TOX2: variants seen among roughly 807,000 people sequenced by gnomAD.
TOX2 encodes TOX high mobility group box family member 2.
Under a neutral mutation model 47.4 loss-of-function variants are expected in TOX2, and 15 were observed. The ratio of observed to expected loss-of-function variants is 0.32; its 90% CI spans 0.21 to 0.49. The LOEUF is 0.49. Among genes scored for constraint, TOX2 ranks in the 20% least tolerant of loss-of-function variants. TOX2 has a pLI of 0.99. For missense variants in TOX2, 622 were observed against 673.1 expected, an observed-to-expected ratio of 0.92 and a Z score of 0.84; for synonymous variants, 290 against 296.6, an observed-to-expected ratio of 0.98 and a Z score of 0.23.
intron 2 of TOX2, among the ~76,000 whole-genome samples, chr20:43,986,197 C>A (rs2070260169): frequency 6.6e-6 from 1 of 152,046 alleles, no homozygotes; most frequent in Admixed American, 6.5e-5. Context: ...CCTTCATAAA[C>A]AATGGTTGGC....
chr20:44,055,676 T>G (rs532895689), intron 5 of TOX2, among the ~76,000 whole-genome samples: 1 of 152,188 alleles, frequency 6.6e-6, no homozygotes, highest in African/African-American at 2.4e-5. Context: ...TAAGAGTGGA[T>G]GTGGAGGGTG....
rs756316408 is a variant in TOX2, at chr20:44,045,621, G to A, written c.412-5685G>A. ...GTTTTCTAAAGTGTTTTACATACTAGTCTACACTCCTAACAGCAGTGTATG... is the reference window on the plus strand; with the variant it reads ...GTTTTCTAAAGTGTTTTACATACTAATCTACACTCCTAACAGCAGTGTATG... On this transcript the variant is annotated intron_variant, in intron 3 of 8. Coordinates refer to ENST00000341197, the MANE Select transcript of TOX2 (RefSeq NM_001098797.2). Among the ~76,000 whole-genome samples, 26 of 152,236 alleles carry A rather than the reference G, an allele frequency of 1.7e-4. 1 individual carries two copies. Among genetic ancestry groups the A allele is most frequent in the Admixed American group, 1.3e-4 (2 of 15,288 alleles).
chr20:43,976,412 A>G (rs1213532909), intron 2 of TOX2, among the ~76,000 whole-genome samples: 1 of 152,220 alleles, frequency 6.6e-6, no homozygotes, highest in African/African-American at 2.4e-5. Context: ...CCAGAGCAGC[A>G]AGAGCAGAAA....
At chr20:43,995,979 G>A (rs1263496339) in intron 2 of TOX2, among the ~76,000 whole-genome samples, 2 of 152,150 alleles carry the variant, frequency 1.3e-5, no homozygotes, top group South Asian at 2.1e-4. Context: ...GAACATTTGT[G>A]TACACATGTC....
intron 2 of TOX2, among the ~76,000 whole-genome samples, chr20:44,003,833 G>A (rs961437904): frequency 7.2e-5 from 11 of 152,066 alleles, no homozygotes; most frequent in Non-Finnish European, 1.3e-4. Context: ...GGGGTGGTGG[G>A]GCCAGGCCAT....
chr20:44,050,104 T>C (rs1424502446), intron 3 of TOX2, among the ~76,000 whole-genome samples: 1 of 152,212 alleles, frequency 6.6e-6, no homozygotes, highest in Non-Finnish European at 1.5e-5. Context: ...ATCTAAGCAA[T>C]GCTAGGTGAG....
intron 3 of TOX2, among the ~76,000 whole-genome samples, chr20:44,011,011 G>T (rs1004376415): frequency 1.3e-5 from 2 of 152,108 alleles, no homozygotes; most frequent in Non-Finnish European, 2.9e-5. Flanking sequence ...GGTCTTCCCT[G>T]GCTCGTGGCT....
At chr20:43,956,085 G>T (rs1344600467) in intron 1 of TOX2, among the ~76,000 whole-genome samples, 1 of 152,134 alleles carries the variant, frequency 6.6e-6, no homozygotes, top group African/African-American at 2.4e-5. Context: ...CTCTGCCCTC[G>T]CCTGGCTAGT....
chr20:44,035,346 G>A (rs534511155), intron 3 of TOX2, among the ~76,000 whole-genome samples: 2 of 152,272 alleles, frequency 1.3e-5, no homozygotes, highest in South Asian at 4.1e-4. Context: ...CCAGGTCCAT[G>A]TCAGCTCCAC....
chr20:43,988,381 C>T (rs1382773558), intron 2 of TOX2, among the ~76,000 whole-genome samples: 1 of 152,156 alleles, frequency 6.6e-6, no homozygotes, highest in Non-Finnish European at 1.5e-5. Flanking sequence ...CACATTCATG[C>T]ACAAATATAA....
intron 2 of TOX2, among the ~76,000 whole-genome samples, chr20:43,980,752 G>A (rs542961016): frequency 7.2e-5 from 11 of 152,176 alleles, no homozygotes; most frequent in Non-Finnish European, 1.2e-4. Flanking sequence ...TACTTTACAA[G>A]TTTGGTGTGG....
intron 4 of TOX2, among the ~76,000 whole-genome samples, chr20:44,051,866 G>T (rs551140524): frequency 2.6e-5 from 4 of 152,320 alleles, no homozygotes; most frequent in Non-Finnish European, 5.9e-5. Context: ...TCCAAGTGCT[G>T]AGCGTCCTTG....
chr20:44,034,860 C>T (rs1471272887), intron 3 of TOX2, among the ~76,000 whole-genome samples: 2 of 152,216 alleles, frequency 1.3e-5, no homozygotes, highest in East Asian at 3.8e-4. Context: ...TCCATAGACA[C>T]CCTGTTGGCT....
chr20:43,960,518 T>A (rs1033816933), intron 1 of TOX2, among the ~76,000 whole-genome samples: 3 of 152,250 alleles, frequency 2.0e-5, no homozygotes, highest in Non-Finnish European at 4.4e-5. Context: ...GCCTCCGTTG[T>A]GACTACATCA....
chr20:44,061,492 A>T (rs1000264876), intron 5 of TOX2, among the ~76,000 whole-genome samples: 9 of 151,070 alleles, frequency 6.0e-5, no homozygotes, highest in African/African-American at 2.2e-4. Context: ...GCCATCTATG[A>T]TAAACCAGAG....
intron 2 of TOX2, among the ~76,000 whole-genome samples, 188 bp downstream of exon 2, chr20:43,973,620 A>T (rs1455226532): frequency 6.6e-6 from 1 of 152,210 alleles, no homozygotes; most frequent in East Asian, 1.9e-4. Context: ...TAGTGTTCGT[A>T]AATTAACTAC....
intron 1 of TOX2, among the ~76,000 whole-genome samples, chr20:43,944,415 C>A (rs1464010029): frequency 6.6e-6 from 1 of 152,160 alleles, no homozygotes; most frequent in Non-Finnish European, 1.5e-5. Flanking sequence ...TTGAGCAGAG[C>A]TGGAAGGATG....
chr20:44,068,919 C>A lies in TOX2; in HGVS notation c.*233C>A, dbSNP rs1380113617. On this transcript the variant is annotated 3_prime_UTR_variant, in exon 9 of 9. Coordinates refer to ENST00000341197, the MANE Select transcript of TOX2 (RefSeq NM_001098797.2). ...CTGCAGGAACCTTCCGCCCGCTGAC[C>A]TGCTTGCTCCAGGGTAACTGTGGAC... 1.5e-6 allele frequency: 1 copy of A among 684,420 alleles called. No homozygotes were observed. Among genetic ancestry groups the A allele is most frequent in the Admixed American group, 2.1e-5 (1 of 48,610 alleles). 42.4% of individuals were successfully genotyped at this position (684,420 alleles called of 1,614,324 possible).
At chr20:43,921,954 AT>A (rs918119885) in intron 1 of TOX2, among the ~76,000 whole-genome samples, 1 of 152,054 alleles carries the variant, frequency 6.6e-6, no homozygotes, top group Non-Finnish European at 1.5e-5. Flanking sequence ...AGAGTTGCTC[AT>A]TTCCTCCACC....
Sources: allele counts gnomAD v4.1 joint callset (sites outside exome capture counted in the v4.1 genomes callset), GRCh38; gene constraint gnomAD v4.1.1; transcripts MANE v1.5; gene names NCBI Gene and HGNC (gene_info 2026-07-23, HGNC 2026-07-21).